Variants in KCNH8 observed in about 807,000 individuals in gnomAD.
KCNH8 encodes the protein potassium voltage-gated channel subfamily H member 8.
In KCNH8, 70 loss-of-function variants were observed where a neutral mutation model predicts 103.6. The observed-to-expected ratio is 0.68, with a 90% confidence interval of 0.56 to 0.82. The LOEUF (loss-of-function observed/expected upper bound fraction) is 0.82. Among genes scored for constraint, KCNH8 ranks in the 40% least tolerant of loss-of-function variants. The pLI is 0.00. For synonymous variants in KCNH8, 498 were observed against 489.4 expected (o/e 1.02, Z -0.23); for missense variants, 1,217 against 1,329.9 (o/e 0.92, Z 1.32).
intron 11 of KCNH8, among the ~76,000 whole-genome samples, chr3:19,498,175 T>G (rs1042658566): frequency 1.3e-5 from 2 of 152,216 alleles, no homozygotes; most frequent in Non-Finnish European, 2.9e-5. Flanking sequence ...TACCAGGGTG[T>G]ATTGCTTCTT....
chr3:19,326,838 G>A (rs1362611998), intron 3 of KCNH8, among the ~76,000 whole-genome samples: 1 of 152,124 alleles, frequency 6.6e-6, no homozygotes, highest in African/African-American at 2.4e-5. Context: ...TGATTCTGTG[G>A]GTTAGCTACG....
intron 2 of KCNH8, among the ~76,000 whole-genome samples, chr3:19,259,708 G>A (rs2064402602): frequency 6.6e-6 from 1 of 151,370 alleles, no homozygotes; most frequent in Non-Finnish European, 1.5e-5. Context: ...GTTTTCAATT[G>A]TTTGTGAAAT....
chr3:19,489,984 T>TC (rs763163326), intron 11 of KCNH8, among the ~76,000 whole-genome samples: 36 of 152,136 alleles, frequency 2.4e-4, no homozygotes, highest in Non-Finnish European at 7.3e-5. Flanking sequence ...ATGTCCGGAC[T>TC]CCAAGTGCCA....
Position 19,533,518 on chromosome 3 carries a change from G to A in KCNH8, c.2743G>A (p.Val915Met). The A allele has an allele frequency of 6.2e-7, 1 of 1,614,166 alleles. No homozygotes were observed. ...GTTTTGCTCTTTGCACAGCACCTCT[G>A]TGTGTCCCTCCAGGGAGAGCTTACA... ...SRFCSLHSTS[V>M]CPSRESLQTR... is the part of the protein sequence containing the mutation. The change falls in exon 16 of 16, where the codon GTG becomes ATG. Residue 915 changes from valine to methionine, a missense_variant. Transcript: ENST00000328405.
chr3:19,323,465 A>C (rs1273116696), intron 3 of KCNH8, among the ~76,000 whole-genome samples: 1 of 152,088 alleles, frequency 6.6e-6, no homozygotes, highest in Non-Finnish European at 1.5e-5. Flanking sequence ...AAATAATAAT[A>C]ATAAAATAAA....
At chr3:19,386,515 A>G (rs1460006181) in intron 5 of KCNH8, among the ~76,000 whole-genome samples, 1 of 152,136 alleles carries the variant, frequency 6.6e-6, no homozygotes, top group Non-Finnish European at 1.5e-5. Flanking sequence ...ACATGGAGAC[A>G]TTAAGCTTTC....
chr3:19,234,727 C>G (rs866368924), intron 1 of KCNH8, among the ~76,000 whole-genome samples: 1 of 152,262 alleles, frequency 6.6e-6, no homozygotes, highest in Non-Finnish European at 1.5e-5. Flanking sequence ...CCTCAAGTGC[C>G]GCCAAAGTAG....
In KCNH8 at chr3:19,351,505, A is replaced by G. The variant is rs1024633621; in HGVS notation, c.811+3540A>G. On this transcript the variant is annotated intron_variant, in intron 5 of 15. Coordinates refer to ENST00000328405, the MANE Select transcript of KCNH8 (RefSeq NM_144633.3). The stretch of plus-strand genomic sequence containing the variant: ...AGAGAGAAAGGTCGGGTTACCCACA[A>G]AGGGAAGCCCATCAGACTAACAGCG... Among the ~76,000 whole-genome samples, 7 of 152,302 alleles carry G rather than the reference A, an allele frequency of 4.6e-5. 1 individual carries two copies. Among genetic ancestry groups the G allele is most frequent in the Middle Eastern group, 6.8e-3 (2 of 294 alleles).
At chr3:19,344,669 C>T (rs1229451222) in intron 4 of KCNH8, among the ~76,000 whole-genome samples, 1 of 151,936 alleles carries the variant, frequency 6.6e-6, no homozygotes, top group Non-Finnish European at 1.5e-5. Context: ...AGAAGGAAGG[C>T]AGAAGGGAGA....
intron 1 of KCNH8, among the ~76,000 whole-genome samples, chr3:19,230,677 T>C (rs2063984141): frequency 6.6e-6 from 1 of 150,984 alleles, no homozygotes; most frequent in Non-Finnish European, 1.5e-5. Flanking sequence ...TAACTCTTTA[T>C]GTACTGTAAA....
rs71055059 is a variant in KCNH8 at position 19,241,723 on chromosome 3, GACACAC to G, written c.77-11907_77-11902del. Among the ~76,000 whole-genome samples the G allele has an allele frequency of 1.4e-3, 207 of 147,712 alleles. 3 individuals carry two copies. In the East Asian group the frequency reaches 0.019, roughly 14 times the overall value. On this transcript the variant is annotated intron_variant, in intron 1 of 15. Coordinates refer to ENST00000328405, the MANE Select transcript of KCNH8 (RefSeq NM_144633.3). Reference sequence around the variant, plus strand: ...ATTCAGTTATAAAAATACACACACAGACACACACACACACACACACACACACACATG... The same window carrying G: ...ATTCAGTTATAAAAATACACACACAGACACACACACACACACACACACATG...
At position 19,233,448 on chromosome 3, in the gene KCNH8, AAGAT is replaced by A. The variant is rs1234023862; in HGVS notation, c.77-20203_77-20200del. Among the ~76,000 whole-genome samples, 6 of 152,284 alleles carry A rather than the reference AAGAT, an allele frequency of 3.9e-5. No homozygotes were observed. In the South Asian group the frequency reaches 1.2e-3, roughly 32 times the overall value. On this transcript the variant is annotated intron_variant, in intron 1 of 15. Transcript: ENST00000328405. ...TTTGTTTATTATAGGGAAAGAAAAG[AAGAT>A]AGGAAGGAAGGAAAGAAGTTAAATA...
intron 5 of KCNH8, among the ~76,000 whole-genome samples, chr3:19,358,834 G>T (rs981206166): frequency 6.6e-6 from 1 of 151,690 alleles, no homozygotes; most frequent in Non-Finnish European, 1.5e-5. Context: ...GTAATTAGTT[G>T]TGTGTATTAA....
chr3:19,514,025 G>A (rs2068832006), intron 13 of KCNH8, among the ~76,000 whole-genome samples: 1 of 150,870 alleles, frequency 6.6e-6, no homozygotes, highest in African/African-American at 2.5e-5. Flanking sequence ...TATGTTTCAT[G>A]TATTTTGCGA....
chr3:19,491,581 A>G (rs1330652679), intron 11 of KCNH8, among the ~76,000 whole-genome samples: 2 of 152,136 alleles, frequency 1.3e-5, no homozygotes, highest in African/African-American at 2.4e-5. Flanking sequence ...TCTTTATCCA[A>G]TCCACCACTG....
intron 3 of KCNH8, among the ~76,000 whole-genome samples, chr3:19,289,471 A>G (rs2064885921): frequency 6.6e-6 from 1 of 152,180 alleles, no homozygotes; most frequent in African/African-American, 2.4e-5. Context: ...AGCACCATTT[A>G]TTAAATAGGG....
chr3:19,470,976 C>T (rs1408859745), intron 11 of KCNH8, among the ~76,000 whole-genome samples: 1 of 152,152 alleles, frequency 6.6e-6, no homozygotes, highest in East Asian at 1.9e-4. Context: ...AAGAGCACGA[C>T]ATATACCCTG....
chr3:19,415,157 GTAA>G (rs1161742127), intron 7 of KCNH8, among the ~76,000 whole-genome samples: 7 of 151,864 alleles, frequency 4.6e-5, no homozygotes, highest in South Asian at 4.1e-4. Context: ...AGAAATGATG[GTAA>G]TAATAATAAT....
intron 5 of KCNH8, among the ~76,000 whole-genome samples, chr3:19,389,320 T>A (rs534145130): frequency 1.3e-5 from 2 of 152,264 alleles, no homozygotes; most frequent in South Asian, 4.1e-4. Context: ...TTCAAGCTCA[T>A]AGGGCTGTTG....
Sources: gnomAD v4.1 joint callset for allele counts (sites outside exome capture counted in the v4.1 genomes callset) on GRCh38, gnomAD v4.1.1 for gene constraint, MANE v1.5 for transcripts, NCBI Gene and HGNC (gene_info 2026-07-23, HGNC 2026-07-21) for gene names.